TNS3: variants seen among roughly 807,000 people sequenced by gnomAD.
TNS3 encodes tensin-3.
A neutral mutation model predicts 140.9 loss-of-function variants in TNS3; 45 were observed. The ratio of observed to expected loss-of-function variants is 0.32; its 90% CI spans 0.25 to 0.41. TNS3 has a LOEUF of 0.41. Ranked by LOEUF, TNS3 falls within the 10% of genes least tolerant of loss-of-function variation. The probability of loss-of-function intolerance (pLI) is 1.00; values close to 1 mark genes in which losing one functional copy is unlikely to be tolerated. For synonymous variants in TNS3, 815 were observed against 788.4 expected (o/e 1.03, Z -0.56); for missense variants, 1,716 against 1,906.7 (o/e 0.90, Z 1.86).
At chr7:47,410,124 C>A (rs1174200305) in intron 13 of TNS3, among the ~76,000 whole-genome samples, 2 of 152,140 alleles carry the variant, frequency 1.3e-5, no homozygotes, top group Non-Finnish European at 2.9e-5. Context: ...AGGAAACAAG[C>A]CCAGGGCTGC....
At chr7:47,286,341 C>T (rs764513978) in intron 27 of TNS3, among the ~76,000 whole-genome samples, 75 of 152,238 alleles carry the variant, frequency 4.9e-4, no homozygotes, top group Middle Eastern at 6.8e-3. Context: ...TTCCTTAAAG[C>T]AGAGAAGAAA....
chr7:47,452,947 GCAGGGACCACCGGC>G, intron 4 of TNS3: 2 of 985,490 alleles, frequency 2.0e-6, no homozygotes, highest in East Asian at 2.3e-4. Context: ...CTGGGCCTGG[GCAGGGACCACCGGC>G]CAGGGCTGCT....
chr7:47,389,283 C>T (rs999606572), intron 16 of TNS3, among the ~76,000 whole-genome samples: 1 of 151,762 alleles, frequency 6.6e-6, no homozygotes, highest in Non-Finnish European at 1.5e-5. Flanking sequence ...CACAGGACAC[C>T]CCGTCCAGTG....
intron 10 of TNS3, among the ~76,000 whole-genome samples, chr7:47,419,221 T>G (rs1329755307): frequency 6.6e-6 from 1 of 152,050 alleles, no homozygotes; most frequent in Non-Finnish European, 1.5e-5. Context: ...GCTGCCAGAG[T>G]GTAGGTGGCT....
At chr7:47,299,961 C>T (rs957676619) in intron 23 of TNS3, among the ~76,000 whole-genome samples, 3 of 152,184 alleles carry the variant, frequency 2.0e-5, no homozygotes, top group African/African-American at 7.2e-5. Flanking sequence ...AGAAGCAACA[C>T]CCCAGAAGTA....
rs138974554 is a variant in TNS3, at chr7:47,397,946, A to G, written c.920-1042T>C. On this transcript the variant is annotated intron_variant, in intron 15 of 30. Coordinates refer to ENST00000311160, the MANE Select transcript of TNS3 (RefSeq NM_022748.12). Reference sequence around the variant, plus strand: ...TAGACCATTAGCTAGATTAACCAAGAAGAGAGAAGATTCAAATAAATTCAA... The same window carrying G: ...TAGACCATTAGCTAGATTAACCAAGGAGAGAGAAGATTCAAATAAATTCAA... 7.9e-3 allele frequency among the ~76,000 whole-genome samples: 1,210 copies of G among 152,348 alleles called. 19 individuals carry two copies. The highest frequency in any genetic ancestry group is 0.028 in the African/African-American group (1,161 of 41,574).
chr7:47,439,335 A>T, intron 6 of TNS3, 152 bp downstream of exon 6: 1 of 804,190 alleles, frequency 1.2e-6, no homozygotes, highest in Non-Finnish European at 1.9e-6. Flanking sequence ...GGCAGCAGAG[A>T]GACAGAGGAC....
At chr7:47,423,342 T>C (rs966907477) in intron 10 of TNS3, among the ~76,000 whole-genome samples, 4 of 152,248 alleles carry the variant, frequency 2.6e-5, no homozygotes, top group Non-Finnish European at 5.9e-5. Context: ...TAAGTGCACC[T>C]GGATGGGGAG....
At chr7:47,494,339 C>T (rs1225124162) in intron 3 of TNS3, among the ~76,000 whole-genome samples, 1 of 152,000 alleles carries the variant, frequency 6.6e-6, no homozygotes, top group South Asian at 2.1e-4. Context: ...AGCTTTCTAA[C>T]CAACCTCCTG....
intron 16 of TNS3, among the ~76,000 whole-genome samples, chr7:47,377,068 A>G (rs1313861965): frequency 6.6e-6 from 1 of 152,166 alleles, no homozygotes; most frequent in East Asian, 1.9e-4. Context: ...GGGAACAGGT[A>G]GCTTCTCCAG....
intron 20 of TNS3, among the ~76,000 whole-genome samples, chr7:47,333,861 T>C (rs1156510521): frequency 1.3e-5 from 2 of 152,226 alleles, no homozygotes; most frequent in African/African-American, 4.8e-5. Flanking sequence ...AAATTTTTGT[T>C]ACACTAGCAT....
At chr7:47,546,495 G>T (rs985569026) in intron 1 of TNS3, among the ~76,000 whole-genome samples, 1 of 152,180 alleles carries the variant, frequency 6.6e-6, no homozygotes, top group Non-Finnish European at 1.5e-5. Context: ...GGACGGTGAG[G>T]TGCTGAGGCT....
At chr7:47,415,733 A>C (rs1038139568) in intron 10 of TNS3, among the ~76,000 whole-genome samples, 6 of 152,234 alleles carry the variant, frequency 3.9e-5, no homozygotes, top group African/African-American at 1.4e-4. Context: ...GCCACATCTG[A>C]TAAGAGGCTC....
rs1411801309 is a variant in TNS3, at chr7:47,370,310, T to C, written c.1025-689A>G. Among the ~76,000 whole-genome samples the C allele has an allele frequency of 2.0e-5, 3 of 152,076 alleles. No homozygotes were observed. The East Asian group carries it at 5.8e-4, about 29-fold the overall frequency. On this transcript the variant is annotated intron_variant, in intron 16 of 30. Coordinates refer to ENST00000311160, the MANE Select transcript of TNS3 (RefSeq NM_022748.12). ...AAAAAGAAAAGAAAAAAACTGAATG[T>C]CTGCTCAAATGTCAATACGAAATTC...
At chr7:47,338,812 T>C (rs1047232644) in intron 20 of TNS3, among the ~76,000 whole-genome samples, 4 of 152,230 alleles carry the variant, frequency 2.6e-5, no homozygotes, top group African/African-American at 9.6e-5. Context: ...TACAAGTGCA[T>C]GCGTCTTTTT....
chr7:47,453,098 G>T (rs1796093819), intron 4 of TNS3: 1 of 985,528 alleles, frequency 1.0e-6, no homozygotes, highest in African/African-American at 1.7e-5. Context: ...AGCCCACCAG[G>T]TGGGAGAGCC....
chr7:47,574,875 T>C (rs982847681), intron 1 of TNS3, among the ~76,000 whole-genome samples: 1 of 152,090 alleles, frequency 6.6e-6, no homozygotes, highest in Admixed American at 6.6e-5. Context: ...CATGGGGAGT[T>C]AGTGCTTAAG....
At chr7:47,457,173 AGGGAGGGGAG>A (rs1184307462) in intron 4 of TNS3, among the ~76,000 whole-genome samples, 8 of 1,482 alleles carry the variant, frequency 5.4e-3, no homozygotes, top group African/African-American at 0.019. Context: ...GGGGAGGGGA[AGGGAGGGGAG>A]GGGAGGGGAG....
intron 20 of TNS3, among the ~76,000 whole-genome samples, chr7:47,334,286 C>A (rs893248520): frequency 1.3e-5 from 2 of 152,186 alleles, no homozygotes; most frequent in African/African-American, 4.8e-5. Context: ...AATGCCTACA[C>A]CCTACTCTCC....
Sources: allele counts gnomAD v4.1 joint callset (sites outside exome capture counted in the v4.1 genomes callset), GRCh38; gene constraint gnomAD v4.1.1; transcripts MANE v1.5; gene names NCBI Gene and HGNC (gene_info 2026-07-23, HGNC 2026-07-21).